Variants in VWA2 observed in about 807,000 individuals in gnomAD.
VWA2 encodes the protein von Willebrand factor A domain-containing protein 2.
In VWA2, 73 loss-of-function variants were observed where a neutral mutation model predicts 70.4. The ratio of observed to expected loss-of-function variants is 1.04; its 90% CI spans 0.86 to 1.26. The LOEUF is 1.26. Among genes scored for constraint, VWA2 ranks in the 50% most tolerant of loss-of-function variants. The pLI, the probability that VWA2 is intolerant of heterozygous loss-of-function variation, is 0.00. For missense variants in VWA2, 1,011 were observed against 998.5 expected (o/e 1.01, Z -0.17); for synonymous variants, 407 against 423.3 (o/e 0.96, Z 0.47).
intron 7 of VWA2, among the ~76,000 whole-genome samples, chr10:114,278,267 G>A (rs1177295971): frequency 1.3e-5 from 2 of 152,156 alleles, no homozygotes; most frequent in Admixed American, 1.3e-4. Flanking sequence ...AGGTAGAGGG[G>A]CCCAGGGTTT....
At chr10:114,240,135 CCGGCTGCCCCGAGAGTCCT>C (rs1397708994) in intron 1 of VWA2, among the ~76,000 whole-genome samples, 1 of 152,214 alleles carries the variant, frequency 6.6e-6, no homozygotes, top group African/African-American at 2.4e-5. Context: ...CTGAGAGGGG[CCGGCTGCCCCGAGAGTCCT>C]CGCGCTTGGG....
At chr10:114,290,511 G>A in intron 13 of VWA2, 146 bp downstream of exon 13, 1 of 1,132,570 alleles carries the variant, frequency 8.8e-7, no homozygotes, top group Non-Finnish European at 1.2e-6. Context: ...AACATTTAGT[G>A]AGTACCTCCT....
chr10:114,280,061 G>A (rs1001895931), intron 8 of VWA2, among the ~76,000 whole-genome samples: 19 of 152,294 alleles, frequency 1.2e-4, no homozygotes, highest in Non-Finnish European at 2.4e-4. Flanking sequence ...ACTAGGGAGC[G>A]GTGAACTTAC....
chr10:114,246,258 C>T (rs377363514), intron 1 of VWA2: 7 of 755,860 alleles, frequency 9.3e-6, no homozygotes, highest in Admixed American at 1.9e-5. Flanking sequence ...CCCAGCACTT[C>T]GGGAGGCCGA....
intron 5 of VWA2, among the ~76,000 whole-genome samples, chr10:114,263,523 G>A (rs562038454): frequency 5.1e-4 from 77 of 151,652 alleles, no homozygotes; most frequent in African/African-American, 1.3e-3. Flanking sequence ...TTTTTTAGTC[G>A]AGATGGGGTT....
Position 114,239,406 on chromosome 10 carries a change from G to A in VWA2, c.-174G>A, listed in dbSNP as rs2036933638. Reference sequence around the variant, plus strand: ...TAGTTCCTCCGACCTCAGCCGGGTCGGGTCGTGCCGCCCTCTCCCAGGAGA... The same window carrying A: ...TAGTTCCTCCGACCTCAGCCGGGTCAGGTCGTGCCGCCCTCTCCCAGGAGA... On this transcript the variant is annotated 5_prime_UTR_variant, in exon 1 of 14. Transcript: ENST00000392982. The A allele has an allele frequency of 6.6e-6, 1 of 152,254 alleles. No homozygotes were observed. The highest frequency in any genetic ancestry group is 1.5e-5 in the Non-Finnish European group (1 of 68,068). The allele number at this position is 152,254 out of a possible 1,614,324, so 9.4% of individuals were successfully genotyped here.
intron 1 of VWA2, among the ~76,000 whole-genome samples, chr10:114,245,334 G>A (rs569000322): frequency 5.9e-5 from 9 of 151,858 alleles, no homozygotes; most frequent in Non-Finnish European, 8.8e-5. Context: ...TTCCTATGTG[G>A]CAGGAACCTT....
chr10:114,241,870 C>T (rs2036979603), intron 1 of VWA2, among the ~76,000 whole-genome samples: 1 of 151,888 alleles, frequency 6.6e-6, no homozygotes, highest in African/African-American at 2.4e-5. Flanking sequence ...TAATTTTATC[C>T]AATAAGGCTA....
At chr10:114,246,126 G>T in intron 1 of VWA2, 1 of 972,056 alleles carries the variant, frequency 1.0e-6, no homozygotes, top group Non-Finnish European at 1.6e-6. Context: ...GATCTCTGGA[G>T]CCTTGGTGTT....
chr10:114,277,814 A>G, intron 6 of VWA2, 100 bp from the exon 7 acceptor site: 1 of 1,422,658 alleles, frequency 7.0e-7, no homozygotes, highest in Non-Finnish European at 9.3e-7. Context: ...CCAGACACTA[A>G]ATCTGTGCTG....
At chr10:114,257,232 T>C (rs968506833) in intron 4 of VWA2, among the ~76,000 whole-genome samples, 2 of 152,092 alleles carry the variant, frequency 1.3e-5, no homozygotes, top group East Asian at 3.9e-4. Context: ...ACCATGATGT[T>C]AACCCAGCAT....
At chr10:114,257,859 G>T (rs2037363338) in intron 4 of VWA2, among the ~76,000 whole-genome samples, 1 of 152,222 alleles carries the variant, frequency 6.6e-6, no homozygotes, top group Admixed American at 6.5e-5. Flanking sequence ...GGGCCAAACA[G>T]TCAGTGCCCA....
At chr10:114,273,371 C>T (rs970267534) in intron 6 of VWA2, among the ~76,000 whole-genome samples, 1 of 152,134 alleles carries the variant, frequency 6.6e-6, no homozygotes, top group South Asian at 2.1e-4. Flanking sequence ...TGGACGGTGC[C>T]CAGCTCACGT....
At chr10:114,251,521 T>C (rs997695234) in intron 2 of VWA2, among the ~76,000 whole-genome samples, 2 of 152,256 alleles carry the variant, frequency 1.3e-5, no homozygotes, top group African/African-American at 4.8e-5. Flanking sequence ...TAAGATATTT[T>C]AAAAGAAACT....
rs182312845 is a variant in VWA2 at position 114,267,409 on chromosome 10, G to A, written c.372-5331G>A. On this transcript the variant is annotated intron_variant, in intron 5 of 13. Coordinates refer to ENST00000392982, the MANE Select transcript of VWA2 (RefSeq NM_001272046.2). ...TGGGATTACAGTTGTGAGCCACCGC[G>A]CCGGCTGGGTTTTCTTATGAATTAT... Among the ~76,000 whole-genome samples, 201 of 151,190 alleles carry A rather than the reference G, an allele frequency of 1.3e-3. 3 individuals are homozygous for A. Among genetic ancestry groups the A allele is most frequent in the African/African-American group, 4.6e-3 (189 of 41,148 alleles).
chr10:114,288,337 T>C (rs1213826840), intron 11 of VWA2, among the ~76,000 whole-genome samples: 2 of 152,244 alleles, frequency 1.3e-5, no homozygotes, highest in African/African-American at 4.8e-5. Flanking sequence ...TCATTTCATG[T>C]CTGTTCCCCT....
chr10:114,283,239 C>T (rs928292497), intron 9 of VWA2, among the ~76,000 whole-genome samples: 15 of 152,016 alleles, frequency 9.9e-5, no homozygotes, highest in African/African-American at 2.9e-4. Context: ...GAAGCAATGC[C>T]GGCAGTTAGA....
chr10:114,278,961 C>T (rs548525178), intron 8 of VWA2, 110 bp downstream of exon 8: 14 of 1,508,388 alleles, frequency 9.3e-6, no homozygotes, highest in Middle Eastern at 2.5e-4. Flanking sequence ...TGACAGGGAT[C>T]GAAGGAGACC....
At chr10:114,261,135 A>G (rs772624705) in intron 4 of VWA2, 51 bp from the exon 5 acceptor site, 2 of 1,350,516 alleles carry the variant, frequency 1.5e-6, no homozygotes, top group Non-Finnish European at 2.1e-6. Flanking sequence ...CCTCTTAGGA[A>G]TGTTTTTGAC....
Sources: allele counts gnomAD v4.1 joint callset (sites outside exome capture counted in the v4.1 genomes callset), GRCh38; gene constraint gnomAD v4.1.1; transcripts MANE v1.5; gene names NCBI Gene and HGNC (gene_info 2026-07-23, HGNC 2026-07-21).